PAX7: variants seen among roughly 807,000 people sequenced by gnomAD.
PAX7 encodes the protein paired box protein Pax-7.
A neutral mutation model predicts 50.7 loss-of-function variants in PAX7; 18 were observed. The ratio of observed to expected loss-of-function variants is 0.36; its 90% confidence interval spans 0.25 to 0.53. The LOEUF is 0.53. Among genes scored for constraint, PAX7 ranks in the 20% least tolerant of loss-of-function variants. The pLI, the probability that PAX7 is intolerant of heterozygous loss-of-function variation, is 0.93. For synonymous variants in PAX7, 310 were observed against 290.4 expected, an observed-to-expected ratio of 1.07 and a Z score of -0.69; for missense variants, 644 against 702.9, an observed-to-expected ratio of 0.92 and a Z score of 0.95.
At chr1:18,643,900 G>T (rs1557505575) in intron 4 of PAX7, among the ~76,000 whole-genome samples, 1 of 152,228 alleles carries the variant, frequency 6.6e-6, no homozygotes, top group African/African-American at 2.4e-5. Context: ...CTGGGCAGGG[G>T]CCAGCCCGCG....
intron 4 of PAX7, among the ~76,000 whole-genome samples, chr1:18,654,507 C>A (rs1414122361): frequency 1.3e-5 from 2 of 152,172 alleles, no homozygotes; most frequent in Non-Finnish European, 2.9e-5. Flanking sequence ...GCAATGCCTT[C>A]CTCCTTCCTA....
rs548657523 is a variant in PAX7 at position 18,699,676 on chromosome 1, T to G, written c.787-977T>G. ...CCCGGGTTCACGCCATTCTCCTGCC[T>G]CAGCCTCCCGACTAGCTGGGACTAC... On this transcript the variant is annotated intron_variant, in intron 5 of 8. Transcript: ENST00000420770. 5.6e-3 allele frequency among the ~76,000 whole-genome samples: 846 copies of G among 152,000 alleles called. 11 individuals are homozygous for G. The highest frequency in any genetic ancestry group is 0.02 in the African/African-American group (816 of 41,382).
intron 4 of PAX7, among the ~76,000 whole-genome samples, chr1:18,659,401 C>T (rs1488081993): frequency 6.6e-6 from 1 of 152,198 alleles, no homozygotes; most frequent in Non-Finnish European, 1.5e-5. Flanking sequence ...CTCCTTTCCA[C>T]TTCTCTTCCT....
In PAX7 at chr1:18,636,168, G is replaced by A. The variant is rs899210016; in HGVS notation, c.452-69G>A. On this transcript the variant is annotated intron_variant, in intron 3 of 8. Coordinates refer to ENST00000420770, the MANE Select transcript of PAX7 (RefSeq NM_001135254.2). This position sits in a 1 kb window ranked among gnomAD's most constrained non-coding sequence, Gnocchi z 5.1. ...GGGGGCTTCCTGACTTTCTCCCAGG[G>A]GCCCAGGCCACCGCTCGCTCCTCTG... 33 of 1,549,130 alleles carry A rather than the reference G, an allele frequency of 2.1e-5. No individual in the cohort carries two copies. Among genetic ancestry groups the A allele is most frequent in the Non-Finnish European group, 2.6e-5 (30 of 1,137,874 alleles).
chr1:18,681,969 C>T (rs190585877), intron 4 of PAX7, among the ~76,000 whole-genome samples: 15 of 152,228 alleles, frequency 9.9e-5, no homozygotes, highest in African/African-American at 3.4e-4. Flanking sequence ...AACTCCTGAC[C>T]TCAGATGATC....
chr1:18,732,979 A>T (rs9439732), intron 7 of PAX7, among the ~76,000 whole-genome samples: 56,803 of 151,600 alleles, frequency 0.37, 11,180 homozygotes, highest in Middle Eastern at 0.53. Flanking sequence ...CTGGAGCCTG[A>T]GTGTTTTTTC....
At chr1:18,719,931 A>C (rs2100365910) in intron 7 of PAX7, among the ~76,000 whole-genome samples, 1 of 152,264 alleles carries the variant, frequency 6.6e-6, no homozygotes, top group Non-Finnish European at 1.5e-5. Flanking sequence ...TACTCCTATT[A>C]GTATTTGGCC....
At chr1:18,722,770 T>A (rs910541183) in intron 7 of PAX7, among the ~76,000 whole-genome samples, 2 of 152,030 alleles carry the variant, frequency 1.3e-5, no homozygotes, top group Non-Finnish European at 2.9e-5. Flanking sequence ...AGCTCCTGGG[T>A]CCATCTCGTG....
At chr1:18,649,070 C>T (rs778112522) in intron 4 of PAX7, among the ~76,000 whole-genome samples, 1 of 152,114 alleles carries the variant, frequency 6.6e-6, no homozygotes, top group African/African-American at 2.4e-5. Flanking sequence ...GCTGAGATTA[C>T]AAAGGGTGGA....
chr1:18,737,188 C>T (rs1351969100), intron 8 of PAX7, among the ~76,000 whole-genome samples: 2 of 152,272 alleles, frequency 1.3e-5, no homozygotes, highest in Non-Finnish European at 2.9e-5. Flanking sequence ...TTTCCTGCCC[C>T]ACCGCCCTGC....
chr1:18,635,147 G>T lies in PAX7; in HGVS notation c.358G>T (p.Glu120Ter). ...ATPDVEKKIE[E>*]YKRENPGMFS... ...TCCGGATGTAGAGAAAAAGATTGAG[G>T]AGTACAAGAGGGAAAACCCAGGCAT... Residue 120 changes from glutamate to a stop codon, truncating the protein, a stop_gained, in exon 3 of 9, where the codon GAG becomes TAG. Transcript: ENST00000420770. LOFTEE classifies it high-confidence loss of function. The T allele has an allele frequency of 6.2e-7, 1 of 1,613,976 alleles. No individual in the cohort carries two copies. Among genetic ancestry groups the T allele is most frequent in the South Asian group, 1.1e-5 (1 of 91,040 alleles).
chr1:18,710,971 C>T (rs550963495), intron 7 of PAX7, among the ~76,000 whole-genome samples: 18 of 152,336 alleles, frequency 1.2e-4, no homozygotes, highest in Non-Finnish European at 1.6e-4. Context: ...CCCAGCTGCG[C>T]GCTCCTCTGC....
At chr1:18,720,375 G>A (rs964675223) in intron 7 of PAX7, among the ~76,000 whole-genome samples, 26 of 152,130 alleles carry the variant, frequency 1.7e-4, no homozygotes, top group African/African-American at 5.8e-4. Flanking sequence ...AGGTGGCTGC[G>A]TTTCTGTACT....
chr1:18,663,904 C>A (rs2088632704), intron 4 of PAX7, among the ~76,000 whole-genome samples: 1 of 152,248 alleles, frequency 6.6e-6, no homozygotes, highest in Non-Finnish European at 1.5e-5. Context: ...CCAGCCCATG[C>A]CAGATGGCTT....
At chr1:18,688,666 C>A (rs150862426) in intron 4 of PAX7, among the ~76,000 whole-genome samples, 2 of 152,040 alleles carry the variant, frequency 1.3e-5, no homozygotes, top group Admixed American at 1.3e-4. Flanking sequence ...TTTGGGAGGC[C>A]GAAGCAGGCG....
In PAX7 at chr1:18,745,168, C is replaced by G; in HGVS notation, c.*239C>G. On this transcript the variant is annotated 3_prime_UTR_variant, in exon 9 of 9. Transcript: ENST00000420770. ...ACTTTCCCCAAGGAGGGTTTCTGGT[C>G]AGCCTGAGGTCCTCCCCTGTCAAAT... 1.8e-6 allele frequency: 1 copy of G among 551,488 alleles called. No homozygotes were observed. The highest frequency in any genetic ancestry group is 2.2e-5 in the South Asian group (1 of 45,738). 34.2% of individuals were successfully genotyped at this position (551,488 alleles called of 1,614,324 possible). A position where few individuals can be genotyped will look rare whatever the true frequency, so the allele number is the denominator to read the frequency against.
At chr1:18,693,968 C>A (rs2089114429) in intron 5 of PAX7, among the ~76,000 whole-genome samples, 1 of 152,214 alleles carries the variant, frequency 6.6e-6, no homozygotes, top group African/African-American at 2.4e-5. Context: ...CAGGCAAAGC[C>A]ATCCTGAGGG....
At position 18,691,943 on chromosome 1, in the gene PAX7, C is replaced by T. The variant is rs2089077680; in HGVS notation, c.776C>T (p.Ala259Val). 3 of 1,613,054 alleles carry T rather than the reference C, an allele frequency of 1.9e-6. No homozygotes were observed. The highest frequency in any genetic ancestry group is 1.7e-6 in the Non-Finnish European group (2 of 1,179,700). ...GCGCAGAGGACCAAGCTGACAGAGGCGCGTGTGCAGGTGAGGAGGCACCTG... is the reference window on the plus strand; with the variant it reads ...GCGCAGAGGACCAAGCTGACAGAGGTGCGTGTGCAGGTGAGGAGGCACCTG... ...ELAQRTKLTEARVQVWFSNRR... is the reference protein window; with the variant it reads ...ELAQRTKLTEVRVQVWFSNRR... Residue 259 changes from alanine (A) to valine (V), a missense_variant, in exon 5 of 9, where the codon GCG (alanine) becomes GTG (valine). Transcript: ENST00000420770.
In PAX7 at chr1:18,635,124, C is replaced by T. The variant is rs142754204; in HGVS notation, c.335C>T (p.Pro112Leu). 2.4e-3 allele frequency: 3,928 copies of T among 1,613,582 alleles called. 7 individuals are homozygous for T. Among genetic ancestry groups the T allele is most frequent in the Non-Finnish European group, 3.1e-3 (3,636 of 1,179,694 alleles). ...GGSKPRQVAT[P>L]DVEKKIEEYK... is the part of the protein sequence containing the mutation. ...CCACCTCTGAAGCAGGTGGCGACTC[C>T]GGATGTAGAGAAAAAGATTGAGGAG... Residue 112 changes from proline to leucine, a missense_variant, in exon 3 of 9, where the codon CCG (proline) becomes CTG (leucine). Physicochemically the swap from Pro to Leu is moderately conservative, Grantham distance 98. Coordinates refer to ENST00000420770, the MANE Select transcript of PAX7 (RefSeq NM_001135254.2).
Sources: allele counts gnomAD v4.1 joint callset (sites outside exome capture counted in the v4.1 genomes callset), GRCh38; gene constraint gnomAD v4.1.1; non-coding constraint Gnocchi (gnomAD v3.1); transcripts MANE v1.5; gene names NCBI Gene and HGNC (gene_info 2026-07-23, HGNC 2026-07-21).